PRKDC: variants seen among roughly 807,000 people sequenced by gnomAD.
The protein encoded by PRKDC is protein kinase, DNA-activated, catalytic subunit.
Under a neutral mutation model 486.9 loss-of-function variants are expected in PRKDC, and 82 were observed. The observed-to-expected ratio is 0.17, with a 90% CI of 0.14 to 0.20. The LOEUF (loss-of-function observed/expected upper bound fraction) is 0.20, where lower values mean the gene tolerates loss of function less well. PRKDC is among the 10% of genes least tolerant of loss of function. The probability of loss-of-function intolerance (pLI) is 1.00; values close to 1 mark genes in which losing one functional copy is unlikely to be tolerated. For synonymous variants in PRKDC, 1,895 were observed against 1,837.0 expected, an observed-to-expected ratio of 1.03 and a Z score of -0.81; for missense variants, 4,504 against 5,038.2, an observed-to-expected ratio of 0.89 and a Z score of 3.21.
chr8:47,928,010 C>A, intron 19 of PRKDC, 120 bp from the exon 20 acceptor site: 1 of 899,020 alleles, frequency 1.1e-6, no homozygotes, highest in Non-Finnish European at 1.5e-6. Flanking sequence ...ATTGACATGA[C>A]CACATTCACT....
chr8:47,814,871 A>C (rs779961629), intron 68 of PRKDC, among the ~76,000 whole-genome samples: 5 of 152,230 alleles, frequency 3.3e-5, no homozygotes, highest in Non-Finnish European at 5.9e-5. Context: ...AGTTTTCATA[A>C]AGAAAGTTGA....
At chr8:47,819,215 G>C (rs764063219) in intron 67 of PRKDC, among the ~76,000 whole-genome samples, 187 bp downstream of exon 67, 5 of 152,134 alleles carry the variant, frequency 3.3e-5, no homozygotes, top group Non-Finnish European at 5.9e-5. Context: ...CTGATGCCTA[G>C]AACTCTGCCT....
chr8:47,785,391 TGTA>T (rs2086774075), intron 76 of PRKDC, 74 bp from the exon 77 acceptor site: 2 of 1,136,542 alleles, frequency 1.8e-6, no homozygotes. Context: ...AGCTTATAAG[TGTA>T]ATGAATGGAG....
chr8:47,858,601 T>A lies in PRKDC; in HGVS notation c.6380A>T (p.Lys2127Ile). 1 of 1,556,378 alleles carries A rather than the reference T, an allele frequency of 6.4e-7. No individual in the cohort carries two copies. Among genetic ancestry groups the A allele is most frequent in the Non-Finnish European group, 8.7e-7 (1 of 1,152,924 alleles). ...SVPRDLPSWM[K>I]FLHGKLGNPI... ...ATTTCCCAGTTTGCCATGGAGGAAT[T>A]TCATCCAAGAAGGAAGATCTCTTGG... Residue 2127 changes from lysine (K) to isoleucine (I), a missense_variant, in exon 48 of 86, where the codon AAA becomes ATA. Around this residue, in one of 6 missense-constraint regions of PRKDC, gnomAD observed 1,592 missense variants for 1,724.6 expected, o/e 0.92. Transcript: ENST00000314191.
Position 47,782,075 on chromosome 8 carries a change from C to A in PRKDC, c.11489+87G>T. On this transcript the variant is annotated intron_variant, in intron 80 of 85. Transcript: ENST00000314191. This position sits in a 1 kb window ranked among gnomAD's most constrained non-coding sequence, Gnocchi z 4.9. Reference sequence around the variant, plus strand: ...CTGCGGGGCAGGCAGTGTGGGCTCTCGAGCGCGCCTGTCACGGCCCCGACC... The same window carrying A: ...CTGCGGGGCAGGCAGTGTGGGCTCTAGAGCGCGCCTGTCACGGCCCCGACC... The A allele has an allele frequency of 8.3e-7, 1 of 1,208,088 alleles. No homozygotes were observed. Among genetic ancestry groups the A allele is most frequent in the East Asian group, 2.4e-5 (1 of 42,544 alleles). 74.8% of individuals were successfully genotyped at this position (1,208,088 alleles called of 1,614,324 possible).
chr8:47,954,876 C>T (rs1442666695), intron 4 of PRKDC, among the ~76,000 whole-genome samples: 1 of 152,198 alleles, frequency 6.6e-6, no homozygotes, highest in Non-Finnish European at 1.5e-5. Context: ...AACTGATTCC[C>T]GCCAGACAGT....
intron 40 of PRKDC, among the ~76,000 whole-genome samples, chr8:47,871,093 A>T (rs1374972837): frequency 2.0e-5 from 3 of 152,212 alleles, no homozygotes; most frequent in Non-Finnish European, 4.4e-5. Context: ...TCTAGAAAAG[A>T]GCCTCAAAAG....
At position 47,862,377 on chromosome 8, in the gene PRKDC, T is replaced by A; in HGVS notation, c.5915A>T (p.Glu1972Val). Residue 1972 changes from glutamate to valine, a missense_variant, in exon 43 of 86, where the codon GAA (glutamate) becomes GTA (valine). This residue lies in a region of PRKDC where 1,592 missense variants were observed against 1,724.6 expected (regional missense o/e 0.92). Transcript: ENST00000314191. ...YQGFLFSEKP[E>V]KNLLIFENLI... Reference sequence around the variant, plus strand: ...CACACCGTAGGAGTGGCCTACCTTTTCTGGTTTTTCACTAAACAGAAAACC... The same window carrying A: ...CACACCGTAGGAGTGGCCTACCTTTACTGGTTTTTCACTAAACAGAAAACC... The A allele has an allele frequency of 6.2e-7, 1 of 1,613,738 alleles. No homozygotes were observed. The highest frequency in any genetic ancestry group is 1.3e-5 in the African/African-American group (1 of 75,054).
intron 1 of PRKDC, among the ~76,000 whole-genome samples, chr8:47,958,326 T>TC (rs1375871845): frequency 6.6e-6 from 1 of 152,082 alleles, no homozygotes; most frequent in Non-Finnish European, 1.5e-5. Flanking sequence ...CAATGGATCC[T>TC]CCCCAAGAGC....
intron 38 of PRKDC, among the ~76,000 whole-genome samples, chr8:47,881,058 A>G (rs1433371267): frequency 3.4e-5 from 5 of 148,056 alleles, no homozygotes; most frequent in East Asian, 1.9e-4. Context: ...AAAAAAAAAA[A>G]AAAGAAAGCA....
Position 47,773,642 on chromosome 8 carries a change from T to C in PRKDC, c.*531A>G, listed in dbSNP as rs8178270. On this transcript the variant is annotated 3_prime_UTR_variant, in exon 86 of 86. Coordinates refer to ENST00000314191, the MANE Select transcript of PRKDC (RefSeq NM_006904.7). Reference sequence around the variant, plus strand: ...TAGAAAAATATCCTAAAATATCAAATGCAGTCATTTCTAAATATAAGCCAT... The same window carrying C: ...TAGAAAAATATCCTAAAATATCAAACGCAGTCATTTCTAAATATAAGCCAT... 1 of 221,136 alleles carries C rather than the reference T, an allele frequency of 4.5e-6. No homozygotes were observed. The highest frequency in any genetic ancestry group is 9.0e-6 in the Non-Finnish European group (1 of 110,670). 13.7% of individuals were successfully genotyped at this position (221,136 alleles called of 1,614,324 possible).
chr8:47,916,217 G>A (rs1205962409), intron 22 of PRKDC, among the ~76,000 whole-genome samples: 1 of 152,152 alleles, frequency 6.6e-6, no homozygotes, highest in Non-Finnish European at 1.5e-5. Flanking sequence ...GGAGGCCAAG[G>A]TGGGCAGATC....
At chr8:47,790,544 C>T (rs2154497833) in intron 74 of PRKDC, among the ~76,000 whole-genome samples, 1 of 152,244 alleles carries the variant, frequency 6.6e-6, no homozygotes, top group Admixed American at 6.5e-5. Flanking sequence ...TCTTCACAGA[C>T]ATAGGAAAAA....
At position 47,893,317 on chromosome 8, in the gene PRKDC, G is replaced by A; in HGVS notation, c.3669C>T (p.Thr1223=). Residue 1223 remains threonine (T), a synonymous_variant, in exon 31 of 86, where the codon ACC becomes ACT. Coordinates refer to ENST00000314191, the MANE Select transcript of PRKDC (RefSeq NM_006904.7). ...KEEGVSFLIN[T]FEGGGCGQPS... ...GCTGGCCACAGCCACCCCCCTCAAA[G>A]GTGTTGATGAGAAAAGAGACACCTT... is the stretch of plus-strand genomic sequence containing the variant. The A allele has an allele frequency of 6.3e-7, 1 of 1,596,496 alleles. No homozygotes were observed. Among genetic ancestry groups the A allele is most frequent in the Non-Finnish European group, 8.6e-7 (1 of 1,167,226 alleles).
chr8:47,882,874 C>T (rs1309777627), intron 36 of PRKDC, among the ~76,000 whole-genome samples: 1 of 152,228 alleles, frequency 6.6e-6, no homozygotes, highest in African/African-American at 2.4e-5. Flanking sequence ...ATGTGTCTGT[C>T]ATTAATTCGT....
intron 4 of PRKDC, among the ~76,000 whole-genome samples, chr8:47,954,709 T>A (rs1209659216): frequency 6.6e-6 from 1 of 152,052 alleles, no homozygotes; most frequent in Non-Finnish European, 1.5e-5. Context: ...TCTAGGTGTG[T>A]TACGTTCCCA....
intron 40 of PRKDC, 116 bp downstream of exon 40, chr8:47,877,608 A>C (rs1008965295): frequency 1.3e-5 from 14 of 1,096,308 alleles, no homozygotes; most frequent in Admixed American, 1.2e-4. Flanking sequence ...AACTAAAATA[A>C]AGTTTAGTAG....
At position 47,894,089 on chromosome 8, in the gene PRKDC, T is replaced by C. The variant is rs149657597; in HGVS notation, c.3599-702A>G. Among the ~76,000 whole-genome samples the C allele has an allele frequency of 9.0e-3, 1,373 of 152,234 alleles. 12 individuals are homozygous for C. Among genetic ancestry groups the C allele is most frequent in the South Asian group, 0.021 (103 of 4,812 alleles). On this transcript the variant is annotated intron_variant, in intron 30 of 85. Coordinates refer to ENST00000314191, the MANE Select transcript of PRKDC (RefSeq NM_006904.7). ...TGAGGTCAAGAGTTCATGACCAGCC[T>C]GGCCAACATGGTGAAACCCCATCTC...
At chr8:47,872,442 GAATGTA>G (rs2088975300) in intron 40 of PRKDC, among the ~76,000 whole-genome samples, 1 of 144,490 alleles carries the variant, frequency 6.9e-6, no homozygotes, top group Non-Finnish European at 1.5e-5. Context: ...CAACAACATT[GAATGTA>G]AATGGATTGA....
Sources: allele counts gnomAD v4.1 joint callset (sites outside exome capture counted in the v4.1 genomes callset), GRCh38; gene constraint gnomAD v4.1.1; regional missense constraint gnomAD v4.1.1; non-coding constraint Gnocchi (gnomAD v3.1); transcripts MANE v1.5; gene names NCBI Gene and HGNC (gene_info 2026-07-23, HGNC 2026-07-21).